The following ESYT1 variants were observed in gnomAD, a reference collection of about 807,000 sequenced individuals.
ESYT1 encodes extended synaptotagmin-1.
In ESYT1, 116 loss-of-function variants were observed where a neutral mutation model predicts 154.2. The ratio of observed to expected loss-of-function variants is 0.75; its 90% confidence interval spans 0.65 to 0.88. The LOEUF (loss-of-function observed/expected upper bound fraction) is 0.88, where lower values mean the gene tolerates loss of function less well. ESYT1 is among the 40% of genes least tolerant of loss of function. The pLI is 0.00. For synonymous variants in ESYT1, 500 were observed against 539.9 expected (o/e 0.93, Z 1.02); for missense variants, 1,264 against 1,379.3 (o/e 0.92, Z 1.32).
At position 56,142,235 on chromosome 12, in the gene ESYT1, C is replaced by A; in HGVS notation, c.2593-50C>A. On this transcript the variant is annotated intron_variant, in intron 24 of 30. Transcript: ENST00000394048. This position sits in a 1 kb window ranked among gnomAD's most constrained non-coding sequence, Gnocchi z 4.1. ...TGGACCTTTAAAACACCAGGATTAA[C>A]TCATTTGTTGATGCATTCGCCTCTT... 6.2e-7 allele frequency: 1 copy of A among 1,603,114 alleles called. No individual in the cohort carries two copies. Among genetic ancestry groups the A allele is most frequent in the Non-Finnish European group, 8.5e-7 (1 of 1,172,998 alleles).
Position 56,142,352 on chromosome 12 carries a change from A to C in ESYT1, c.2660A>C (p.Asp887Ala), listed in dbSNP as rs1870734901. ...SLPLSELLVA[D>A]QLCLDRWFTL... ...CCCCTCTCAGAGCTCCTCGTGGCTG[A>C]CCAGCTCTGCTTGGACCGCTGGTTT... Residue 887 changes from aspartate (D) to alanine (A), a missense_variant, in exon 25 of 31, where the codon GAC becomes GCC. Coordinates refer to ENST00000394048, the MANE Select transcript of ESYT1 (RefSeq NM_015292.3). The surrounding 1 kb of genome is among the most constrained non-coding windows in gnomAD (Gnocchi z 4.1). The C allele has an allele frequency of 6.2e-7, 1 of 1,614,080 alleles. No individual in the cohort carries two copies. The highest frequency in any genetic ancestry group is 2.2e-5 in the East Asian group (1 of 44,874).
intron 19 of ESYT1, 53 bp downstream of exon 19, chr12:56,137,967 G>A: frequency 3.7e-6 from 6 of 1,611,288 alleles, no homozygotes; most frequent in Non-Finnish European, 4.2e-6. Context: ...TTAGGCCATG[G>A]AGTCTGGCCT....
chr12:56,133,594 C>T lies in ESYT1; in HGVS notation c.1300C>T (p.Pro434Ser), dbSNP rs763021394. Reference protein sequence around the residue: ...LQASVLDDWFPLQGGQGQVHL... With the variant: ...LQASVLDDWFSLQGGQGQVHL... Reference sequence around the variant, plus strand: ...ACATCTCAATTTCTTCTAGTGGTTCCCTCTACAAGGTGGGCAAGGCCAAGT... The same window carrying T: ...ACATCTCAATTTCTTCTAGTGGTTCTCTCTACAAGGTGGGCAAGGCCAAGT... Residue 434 changes from proline (P) to serine (S), a missense_variant, in exon 12 of 31, where the codon CCT becomes TCT. Coordinates refer to ENST00000394048, the MANE Select transcript of ESYT1 (RefSeq NM_015292.3). 8.2e-5 allele frequency: 132 copies of T among 1,614,016 alleles called. No individual in the cohort carries two copies. The highest frequency in any genetic ancestry group is 1.1e-4 in the Non-Finnish European group (127 of 1,180,022).
chr12:56,132,631 A>T (rs771761384), intron 9 of ESYT1, 34 bp downstream of exon 9: 1 of 1,614,014 alleles, frequency 6.2e-7, no homozygotes, highest in South Asian at 1.1e-5. Flanking sequence ...GAAATGGGGA[A>T]GCCCCAGGAG....
chr12:56,129,968 G>A (rs1280283585), intron 1 of ESYT1, among the ~76,000 whole-genome samples: 1 of 151,950 alleles, frequency 6.6e-6, no homozygotes, highest in African/African-American at 2.4e-5. Flanking sequence ...TGCCAAGCTG[G>A]AGTGCAGTGG....
chr12:56,132,294 C>G lies in ESYT1; in HGVS notation c.946C>G (p.Leu316Val). ...ATTACTGGTGCCCCTTGTGCCTGAC[C>G]TTCAAGATGTGGCTCAGTTGCGTTC... ...NRLLVPLVPD[L>V]QDVAQLRSPL... The change falls in exon 8 of 31, where the codon CTT becomes GTT. Residue 316 changes from leucine (L) to valine (V), a missense_variant. Leu to Val is a conservative substitution (Grantham distance 32). Transcript: ENST00000394048. 1.2e-6 allele frequency: 2 copies of G among 1,614,156 alleles called. No homozygotes were observed. Among genetic ancestry groups the G allele is most frequent in the Non-Finnish European group, 1.7e-6 (2 of 1,180,026 alleles).
At chr12:56,138,148 A>G (rs779865847) in intron 20 of ESYT1, 35 bp from the exon 21 acceptor site, 3 of 1,613,788 alleles carry the variant, frequency 1.9e-6, no homozygotes, top group Non-Finnish European at 2.5e-6. Context: ...TCCTGTCTGC[A>G]TATCCCCAAG....
rs746523938 is a variant in ESYT1 at position 56,143,841 on chromosome 12, C to G, written c.3294C>G (p.Asn1098Lys). 1 of 1,614,002 alleles carries G rather than the reference C, an allele frequency of 6.2e-7. No individual in the cohort carries two copies. The highest frequency in any genetic ancestry group is 1.1e-5 in the South Asian group (1 of 91,080). ...TTCACAGGTATGACCTGATGGACAA[C>G]AAGGACAAGGGCAGCTCCTAGGAGC... ...GVARWYDLMD[N>K]KDKGSS is the part of the protein sequence containing the mutation. Residue 1098 changes from asparagine to lysine, a missense_variant, in exon 31 of 31, where the codon AAC (asparagine) becomes AAG (lysine). Physicochemically the swap from Asn to Lys is moderately conservative, Grantham distance 94. Coordinates refer to ENST00000394048, the MANE Select transcript of ESYT1 (RefSeq NM_015292.3).
intron 14 of ESYT1, 67 bp downstream of exon 14, chr12:56,134,248 T>C (rs555786395): frequency 6.2e-7 from 1 of 1,601,976 alleles, no homozygotes; most frequent in Non-Finnish European, 8.6e-7. Context: ...TGGGATGGTT[T>C]CCCCTTTAGA....
rs1870096053 is a variant in ESYT1, at chr12:56,128,520, T to A, written c.201T>A (p.Pro67=). 2 of 1,612,426 alleles carry A rather than the reference T, an allele frequency of 1.2e-6. No individual in the cohort carries two copies. The highest frequency in any genetic ancestry group is 1.7e-6 in the Non-Finnish European group (2 of 1,179,282). ...SFGRRLLVLI[P]VYLAGAVGLS... is the part of the protein sequence containing the mutation. ...GGAGGCGGTTGCTGGTGCTGATACC[T>A]GTGTATTTGGCCGGGGCAGTGGGAC... Residue 67 remains proline (P), a synonymous_variant, in exon 1 of 31, where the codon CCT becomes CCA. Transcript: ENST00000394048.
chr12:56,138,240 A>AC lies in ESYT1; in HGVS notation c.2311dup (p.Arg771ProfsTer6), dbSNP rs774883662. ...CCTGCACTTGCGCCTGGAGCGTCTC[A>AC]CCCCCCGTCCCACTGCTGCTGAGTT... On this transcript the variant is annotated frameshift_variant, in exon 21 of 31. Transcript: ENST00000394048. LOFTEE classifies it high-confidence loss of function. 45 of 1,613,644 alleles carry AC rather than the reference A, an allele frequency of 2.8e-5. No homozygotes were observed. The highest frequency in any genetic ancestry group is 3.6e-5 in the Non-Finnish European group (43 of 1,179,968).
Position 56,142,510 on chromosome 12 carries a change from G to A in ESYT1, c.2734-68G>A. Reference sequence around the variant, plus strand: ...AGGGACACCCAGGAGGGTGGGAACAGAGGGCCGTGTCCTTAGAGTGAGGGA... The same window carrying A: ...AGGGACACCCAGGAGGGTGGGAACAAAGGGCCGTGTCCTTAGAGTGAGGGA... On this transcript the variant is annotated intron_variant, in intron 25 of 30. Transcript: ENST00000394048. The surrounding 1 kb of genome is among the most constrained non-coding windows in gnomAD (Gnocchi z 4.1). 9.3e-6 allele frequency: 15 copies of A among 1,610,566 alleles called. No individual in the cohort carries two copies. The highest frequency in any genetic ancestry group is 1.3e-5 in the Non-Finnish European group (15 of 1,177,504).
chr12:56,142,649 T>G lies in ESYT1; in HGVS notation c.2805T>G (p.Ser935Arg). The part of the protein sequence containing the change: ...HSYSHSSSSL[S>R]EEPELSGGPP... ...ACAGCCACAGCTCCTCATCGCTGAG[T>G]GAAGAACCAGAGCTCTCGGGGGGAC... is the stretch of plus-strand genomic sequence containing the variant. The change falls in exon 26 of 31, where the codon AGT becomes AGG. Residue 935 changes from serine to arginine, a missense_variant. By Grantham distance (110) the Ser-to-Arg change is moderately radical (BLOSUM62 -1). Coordinates refer to ENST00000394048, the MANE Select transcript of ESYT1 (RefSeq NM_015292.3). This position sits in a 1 kb window ranked among gnomAD's most constrained non-coding sequence, Gnocchi z 4.1. 1 of 1,613,916 alleles carries G rather than the reference T, an allele frequency of 6.2e-7. No individual in the cohort carries two copies. Among genetic ancestry groups the G allele is most frequent in the South Asian group, 1.1e-5 (1 of 91,084 alleles).
intron 15 of ESYT1, among the ~76,000 whole-genome samples, chr12:56,134,755 T>C (rs562904169): frequency 2.3e-4 from 35 of 151,842 alleles, no homozygotes; most frequent in African/African-American, 8.5e-4. Context: ...GGCACCACCA[T>C]GCCCGGCTAA....
chr12:56,137,983 G>A, intron 19 of ESYT1, 43 bp from the exon 20 acceptor site: 1 of 1,613,858 alleles, frequency 6.2e-7, no homozygotes. Context: ...GGCCTCCTTG[G>A]TTCTCACCAT....
At position 56,131,929 on chromosome 12, in the gene ESYT1, G is replaced by A. The variant is rs564037497; in HGVS notation, c.860+125G>A. On this transcript the variant is annotated intron_variant, in intron 7 of 30. Transcript: ENST00000394048. Reference sequence around the variant, plus strand: ...GCCTCAACTTCATTTGGGGAGCAAAGACAAATACCCCTGCAAAGTTTGATA... The same window carrying A: ...GCCTCAACTTCATTTGGGGAGCAAAAACAAATACCCCTGCAAAGTTTGATA... 173 of 1,080,868 alleles carry A rather than the reference G, an allele frequency of 1.6e-4. 3 individuals are homozygous for A. In the South Asian group the frequency reaches 2.3e-3, roughly 14 times the overall value. The allele number at this position is 1,080,868 out of a possible 1,614,324, so 67.0% of individuals were successfully genotyped here. A position where few individuals can be genotyped will look rare whatever the true frequency, so the allele number is the denominator to read the frequency against.
intron 15 of ESYT1, among the ~76,000 whole-genome samples, chr12:56,135,761 G>A (rs971079190): frequency 1.3e-5 from 2 of 151,716 alleles, no homozygotes; most frequent in African/African-American, 4.8e-5. Flanking sequence ...GCATGGTGGT[G>A]CGTGCCTGTA....
In ESYT1 at chr12:56,131,072, A is replaced by G; in HGVS notation, c.600A>G (p.Pro200=). 1.2e-6 allele frequency: 2 copies of G among 1,614,172 alleles called. No homozygotes were observed. Among genetic ancestry groups the G allele is most frequent in the African/African-American group, 1.3e-5 (1 of 75,036 alleles). Residue 200 remains proline (P), a synonymous_variant, in exon 4 of 31, where the codon CCA becomes CCG. Transcript: ENST00000394048. The stretch of plus-strand genomic sequence containing the variant: ...GCATCATTGGAGTCAAGGTTCACCC[A>G]GGTCAGAGAAAAGAGCAGATCCTGC... ...PLRIIGVKVH[P]GQRKEQILLD...
chr12:56,129,768 A>AACACAC (rs748344568), intron 1 of ESYT1: 1 of 152,008 alleles, frequency 6.6e-6, no homozygotes, highest in Non-Finnish European at 1.5e-5. Context: ...GATAGAGGAA[A>AACACAC]ACACACACAC....
Sources: gnomAD v4.1 joint callset for allele counts (sites outside exome capture counted in the v4.1 genomes callset) on GRCh38, gnomAD v4.1.1 for gene constraint, Gnocchi (gnomAD v3.1) non-coding constraint, MANE v1.5 for transcripts, NCBI Gene and HGNC (gene_info 2026-07-23, HGNC 2026-07-21) for gene names.